PLS1: variants seen among roughly 807,000 people sequenced by gnomAD.
The protein encoded by PLS1 is plastin-1.
In PLS1, 32 loss-of-function variants were observed where a neutral mutation model predicts 73.7. The ratio of observed to expected loss-of-function variants is 0.43; its 90% CI spans 0.33 to 0.58. PLS1 has a LOEUF of 0.58. Ranked by LOEUF, PLS1 falls within the 20% of genes least tolerant of loss-of-function variation. The pLI is 0.04. For synonymous variants in PLS1, 217 were observed against 261.3 expected, an observed-to-expected ratio of 0.83 and a Z score of 1.63; for missense variants, 633 against 740.5, an observed-to-expected ratio of 0.85 and a Z score of 1.68.
At chr3:142,683,855 G>GTT (rs202243528) in intron 6 of PLS1, 151 bp from the exon 7 acceptor site, 718 of 491,414 alleles carry the variant, frequency 1.5e-3, no homozygotes, top group African/African-American at 2.6e-3. Flanking sequence ...AAAACCATGT[G>GTT]TTTTTTTTTT....
At position 142,689,589 on chromosome 3, in the gene PLS1, A is replaced by G. The variant is rs368681645; in HGVS notation, c.982-29A>G. ...AAAAATTATGCCAATTAAAACTTCA[A>G]TTGTAACCATTTTTGTTTTATTGTT... On this transcript the variant is annotated intron_variant, in intron 9 of 15. Coordinates refer to ENST00000457734, the MANE Select transcript of PLS1 (RefSeq NM_001145319.2). The G allele has an allele frequency of 2.5e-4, 359 of 1,418,468 alleles. 2 individuals carry two copies. The highest frequency in any genetic ancestry group is 3.0e-4 in the Non-Finnish European group (320 of 1,062,950). The allele number at this position is 1,418,468 out of a possible 1,614,324, so 87.9% of individuals were successfully genotyped here.
intron 1 of PLS1, among the ~76,000 whole-genome samples, chr3:142,601,024 C>T (rs1335012560): frequency 5.7e-5 from 8 of 140,844 alleles, no homozygotes; most frequent in East Asian, 4.1e-4. Flanking sequence ...CCCGGGTTCA[C>T]GCCATTCTCC....
intron 11 of PLS1, among the ~76,000 whole-genome samples, chr3:142,697,470 G>A (rs1212469399): frequency 6.6e-6 from 1 of 152,042 alleles, no homozygotes; most frequent in East Asian, 1.9e-4. Flanking sequence ...CCTAATAGAG[G>A]TAATTGCTAT....
intron 1 of PLS1, among the ~76,000 whole-genome samples, chr3:142,662,060 C>T (rs1486750333): frequency 6.6e-6 from 1 of 152,160 alleles, no homozygotes; most frequent in Admixed American, 6.5e-5. Context: ...AATCCAATTA[C>T]TGGGTATATA....
At chr3:142,641,160 A>ATATATATATATATATATAT in intron 1 of PLS1, among the ~76,000 whole-genome samples, 1 of 139,536 alleles carries the variant, frequency 7.2e-6, no homozygotes, top group South Asian at 2.1e-4. Context: ...CAGAGTGATT[A>ATATATATATATATATATAT]TATATATATA....
At chr3:142,604,538 T>C (rs1211123307) in intron 1 of PLS1, among the ~76,000 whole-genome samples, 1 of 152,214 alleles carries the variant, frequency 6.6e-6, no homozygotes, top group Non-Finnish European at 1.5e-5. Flanking sequence ...CAAAACCCAA[T>C]GTTTTTCATC....
chr3:142,620,358 C>T (rs1318815111), intron 1 of PLS1, among the ~76,000 whole-genome samples: 1 of 152,142 alleles, frequency 6.6e-6, no homozygotes, highest in Admixed American at 6.5e-5. Flanking sequence ...AACTCCTGAC[C>T]TCAGGTTATC....
intron 1 of PLS1, among the ~76,000 whole-genome samples, chr3:142,647,887 C>G (rs771138879): frequency 6.6e-6 from 1 of 152,104 alleles, no homozygotes; most frequent in Non-Finnish European, 1.5e-5. Flanking sequence ...AGAGCTGACT[C>G]TCTAGTAGGG....
intron 5 of PLS1, among the ~76,000 whole-genome samples, chr3:142,677,511 G>A (rs879424258): frequency 2.6e-5 from 4 of 152,002 alleles, no homozygotes; most frequent in Admixed American, 6.6e-5. Context: ...CTGAGAGGTG[G>A]CACACACCTG....
At chr3:142,689,868 TCTTA>T (rs1350417547) in intron 10 of PLS1, 55 bp downstream of exon 10, 3 of 1,137,774 alleles carry the variant, frequency 2.6e-6, no homozygotes, top group Non-Finnish European at 3.8e-6. Flanking sequence ...TATGGTATTG[TCTTA>T]CTTCACTGTC....
chr3:142,603,769 CAAA>C (rs5853074), intron 1 of PLS1, among the ~76,000 whole-genome samples: 33 of 140,504 alleles, frequency 2.3e-4, no homozygotes, highest in East Asian at 4.3e-4. Context: ...AACCCTGCCT[CAAA>C]AAAAAAAAAA....
In PLS1 at chr3:142,664,227, T is replaced by C; in HGVS notation, c.-11T>C. On this transcript the variant is annotated 5_prime_UTR_variant, in exon 2 of 16. Coordinates refer to ENST00000457734, the MANE Select transcript of PLS1 (RefSeq NM_001145319.2). ...ATATAAAGACCTGAAGATAGTCTTT[T>C]CTGTCCAAAGATGGAAAACAGTACT... is the stretch of plus-strand genomic sequence containing the variant. 1.3e-6 allele frequency: 2 copies of C among 1,516,066 alleles called. No homozygotes were observed. Among genetic ancestry groups the C allele is most frequent in the Non-Finnish European group, 1.8e-6 (2 of 1,105,042 alleles). The allele number at this position is 1,516,066 out of a possible 1,614,324, so 93.9% of individuals were successfully genotyped here.
At chr3:142,653,840 C>CA (rs1304213627) in intron 1 of PLS1, among the ~76,000 whole-genome samples, 2 of 152,070 alleles carry the variant, frequency 1.3e-5, no homozygotes, top group Non-Finnish European at 2.9e-5. Context: ...GTACTATTTA[C>CA]AAAAAATCAG....
In PLS1 at chr3:142,711,946, C is replaced by G; in HGVS notation, c.1829C>G (p.Pro610Arg). The G allele has an allele frequency of 6.2e-7, 1 of 1,613,094 alleles. No homozygotes were observed. The highest frequency in any genetic ancestry group is 8.5e-7 in the Non-Finnish European group (1 of 1,179,152). The change falls in exon 16 of 16, where the codon CCA (proline) becomes CGA (arginine). Residue 610 changes from proline to arginine, a missense_variant. Transcript: ENST00000457734. ...ALPDDLVEVK[P>R]KMVMTVFACL... ...CCTGATGACCTCGTAGAAGTGAAAC[C>G]AAAGATGGTTATGACGGTGTTTGCA...
intron 10 of PLS1, among the ~76,000 whole-genome samples, chr3:142,692,803 TG>T (rs1250744896): frequency 1.3e-5 from 2 of 152,024 alleles, no homozygotes; most frequent in African/African-American, 4.8e-5. Flanking sequence ...TTTTCCTAGA[TG>T]GAAATAATGT....
intron 6 of PLS1, 129 bp downstream of exon 6, chr3:142,678,242 T>C (rs1322419792): frequency 5.5e-6 from 2 of 362,290 alleles, no homozygotes; most frequent in Non-Finnish European, 1.0e-5. Flanking sequence ...AAAAACTTTT[T>C]TTTTTGGAAT....
chr3:142,617,314 C>A, intron 1 of PLS1, among the ~76,000 whole-genome samples: 1 of 152,048 alleles, frequency 6.6e-6, no homozygotes, highest in East Asian at 1.9e-4. Context: ...TTTAGTCTTT[C>A]CAGATACTGT....
intron 4 of PLS1, among the ~76,000 whole-genome samples, chr3:142,672,255 T>A (rs546244377): frequency 6.6e-6 from 1 of 152,058 alleles, no homozygotes; most frequent in African/African-American, 2.4e-5. Flanking sequence ...AGAGGTAACC[T>A]CTTTTCTGAT....
intron 1 of PLS1, among the ~76,000 whole-genome samples, chr3:142,602,612 C>T (rs1378768212): frequency 6.6e-6 from 1 of 152,088 alleles, no homozygotes; most frequent in African/African-American, 2.4e-5. Flanking sequence ...CCCCCCACCC[C>T]ATAGGCCCCA....
Sources: gnomAD v4.1 joint callset for allele counts (sites outside exome capture counted in the v4.1 genomes callset) on GRCh38, gnomAD v4.1.1 for gene constraint, MANE v1.5 for transcripts, NCBI Gene and HGNC (gene_info 2026-07-23, HGNC 2026-07-21) for gene names.